DLGAP2: variants seen among roughly 807,000 people sequenced by gnomAD.
The protein encoded by DLGAP2 is disks large-associated protein 2.
Under a neutral mutation model 100.3 loss-of-function variants are expected in DLGAP2, and 26 were observed. The observed-to-expected ratio is 0.26, with a 90% confidence interval of 0.19 to 0.36. The LOEUF (loss-of-function observed/expected upper bound fraction) is 0.36. Among genes scored for constraint, DLGAP2 ranks in the 10% least tolerant of loss-of-function variants. DLGAP2 has a pLI of 1.00. For synonymous variants in DLGAP2, 886 were observed against 630.1 expected (o/e 1.41, Z -6.08); for missense variants, 1,858 against 1,453.2 (o/e 1.28, Z -4.53).
At chr8:897,295 C>T (rs775559310) in intron 1 of DLGAP2, among the ~76,000 whole-genome samples, 13 of 152,182 alleles carry the variant, frequency 8.5e-5, no homozygotes, top group South Asian at 2.1e-4. Context: ...CCTGTTTGCT[C>T]TAGTCTGGGT....
rs1267646817 is a variant in DLGAP2, at chr8:1,539,928, A to G, written c.173-8698A>G. ...CTCAACAGCCAGGGAGACCCCCTCA[A>G]GCATCAGTGGCTTCCCATCTCTTCT... On this transcript the variant is annotated intron_variant, in intron 4 of 14. Coordinates refer to ENST00000637795, the MANE Select transcript of DLGAP2 (RefSeq NM_001346810.2). 2.6e-5 allele frequency among the ~76,000 whole-genome samples: 4 copies of G among 152,206 alleles called. No homozygotes were observed. The East Asian group carries it at 7.7e-4, about 29-fold the overall frequency.
intron 2 of DLGAP2, among the ~76,000 whole-genome samples, chr8:1,205,397 A>G (rs975316854): frequency 4.0e-5 from 6 of 151,172 alleles, no homozygotes; most frequent in Admixed American, 2.0e-4. Flanking sequence ...AAAAGGCTCT[A>G]GAATCACATG....
intron 1 of DLGAP2, among the ~76,000 whole-genome samples, chr8:803,375 C>T (rs757400190): frequency 2.0e-5 from 3 of 152,046 alleles, no homozygotes; most frequent in African/African-American, 4.8e-5. Context: ...AGGCTGTAAA[C>T]CCTCTACAAA....
chr8:1,564,437 G>A (rs1458368188), intron 5 of DLGAP2, among the ~76,000 whole-genome samples: 1 of 152,196 alleles, frequency 6.6e-6, no homozygotes, highest in African/African-American at 2.4e-5. Flanking sequence ...AGCCTGTGGG[G>A]CCGTTATGGG....
chr8:1,507,521 C>T (rs1022153163), intron 4 of DLGAP2, among the ~76,000 whole-genome samples: 4 of 152,156 alleles, frequency 2.6e-5, no homozygotes, highest in Non-Finnish European at 5.9e-5. Flanking sequence ...CACGCCTCCC[C>T]GCAAGCAGAG....
intron 4 of DLGAP2, among the ~76,000 whole-genome samples, chr8:1,538,603 C>T (rs1156959032): frequency 6.6e-6 from 1 of 152,150 alleles, no homozygotes; most frequent in Non-Finnish European, 1.5e-5. Context: ...CTTATGTCTC[C>T]GTCCCTCCTC....
Position 900,017 on chromosome 8 carries a change from T to C in DLGAP2, c.19-7895T>C, listed in dbSNP as rs527505275. On this transcript the variant is annotated intron_variant, in intron 1 of 14. Coordinates refer to ENST00000637795, the MANE Select transcript of DLGAP2 (RefSeq NM_001346810.2). Reference sequence around the variant, plus strand: ...GTGACCGAAGAGAAAGCAGAATATGTCTTTAAGACCTTTGTGTTTGGAAAT... The same window carrying C: ...GTGACCGAAGAGAAAGCAGAATATGCCTTTAAGACCTTTGTGTTTGGAAAT... Among the ~76,000 whole-genome samples, 160 of 152,348 alleles carry C rather than the reference T, an allele frequency of 1.1e-3. 1 individual carries two copies. Among genetic ancestry groups the C allele is most frequent in the African/African-American group, 3.6e-3 (149 of 41,592 alleles).
intron 3 of DLGAP2, among the ~76,000 whole-genome samples, chr8:1,387,401 G>T (rs928524194): frequency 7.9e-5 from 12 of 152,208 alleles, no homozygotes; most frequent in Non-Finnish European, 1.5e-4. Context: ...TGGCCACGGG[G>T]CTGCAGAGAA....
chr8:855,799 G>A (rs1348780791), intron 1 of DLGAP2, among the ~76,000 whole-genome samples: 1 of 152,274 alleles, frequency 6.6e-6, no homozygotes, highest in South Asian at 2.1e-4. Context: ...AAGAAGAGAA[G>A]TCCTGTGGTC....
intron 7 of DLGAP2, 126 bp downstream of exon 7, chr8:1,627,013 C>T (rs1379488645): frequency 8.5e-6 from 10 of 1,175,128 alleles, no homozygotes; most frequent in Non-Finnish European, 1.2e-5. Flanking sequence ...CAAGGCTACA[C>T]CAAAGGGGGT....
At chr8:1,021,743 A>T (rs548885911) in intron 2 of DLGAP2, among the ~76,000 whole-genome samples, 2 of 152,242 alleles carry the variant, frequency 1.3e-5, no homozygotes, top group Non-Finnish European at 2.9e-5. Flanking sequence ...CTCCCACCAC[A>T]TCTTCTGCCC....
chr8:1,669,642 G>C (rs945786569), intron 9 of DLGAP2, 101 bp from the exon 10 acceptor site: 12 of 769,888 alleles, frequency 1.6e-5, no homozygotes, highest in South Asian at 4.1e-5. Flanking sequence ...CCCGTGCGGC[G>C]CTGGTAGCTA....
chr8:1,632,773 C>T (rs7013788), intron 7 of DLGAP2, 54 bp from the exon 8 acceptor site: 65 of 1,524,202 alleles, frequency 4.3e-5, no homozygotes, highest in African/African-American at 2.6e-4. Flanking sequence ...TTTTCTGTAA[C>T]GTGATGGTGA....
chr8:1,507,482 G>A (rs941798219), intron 4 of DLGAP2, among the ~76,000 whole-genome samples: 2 of 152,100 alleles, frequency 1.3e-5, no homozygotes, highest in East Asian at 1.9e-4. Flanking sequence ...CAGAACTCGC[G>A]CTGGCCCATG....
intron 3 of DLGAP2, among the ~76,000 whole-genome samples, chr8:1,320,887 C>G (rs1800882827): frequency 6.6e-6 from 1 of 152,004 alleles, no homozygotes; most frequent in East Asian, 1.9e-4. Flanking sequence ...GTGCACATGT[C>G]TGTATGCACA....
At chr8:985,453 C>G (rs1800459324) in intron 2 of DLGAP2, among the ~76,000 whole-genome samples, 1 of 152,234 alleles carries the variant, frequency 6.6e-6, no homozygotes, top group Non-Finnish European at 1.5e-5. Context: ...ATGAGATCAT[C>G]CATGTGCCAG....
At chr8:1,198,089 G>C (rs1002168537) in intron 2 of DLGAP2, among the ~76,000 whole-genome samples, 6 of 151,822 alleles carry the variant, frequency 4.0e-5, no homozygotes, top group African/African-American at 1.5e-4. Context: ...TACCTGTGTG[G>C]TTCTGTGTGT....
chr8:1,193,480 A>T (rs116396956), intron 2 of DLGAP2, among the ~76,000 whole-genome samples: 1,882 of 152,274 alleles, frequency 0.012, 40 homozygotes, highest in African/African-American at 0.043. Flanking sequence ...TCTTTTGAGA[A>T]GTGTCTGGTT....
chr8:900,973 A>G (rs1030175680), intron 1 of DLGAP2, among the ~76,000 whole-genome samples: 2 of 152,200 alleles, frequency 1.3e-5, no homozygotes, highest in Non-Finnish European at 2.9e-5. Context: ...TATTGTCAAA[A>G]CTATATTACA....
Sources: allele counts gnomAD v4.1 joint callset (sites outside exome capture counted in the v4.1 genomes callset), GRCh38; gene constraint gnomAD v4.1.1; transcripts MANE v1.5; gene names NCBI Gene and HGNC (gene_info 2026-07-23, HGNC 2026-07-21).